The following CETN2 variants were observed in gnomAD, a reference collection of about 807,000 sequenced individuals.
The protein encoded by CETN2 is centrin 2.
CETN2 carries 2 observed loss-of-function variants against 12.6 expected under a neutral mutation model. The observed-to-expected ratio is 0.16, with a 90% CI of 0.07 to 0.50. CETN2 has a LOEUF of 0.50. CETN2 is among the 20% of genes least tolerant of loss of function. The pLI is 0.96. For missense variants in CETN2, 81 were observed against 128.3 expected (o/e 0.63, Z 1.78); for synonymous variants, 41 against 43.4 (o/e 0.94, Z 0.22).
At chrX:152,828,268 A>G (rs1456729752) in intron 4 of CETN2, among the ~76,000 whole-genome samples, 1 of 112,377 alleles carries the variant, frequency 8.9e-6, no homozygotes, top group African/African-American at 3.2e-5. Context: ...TTTGTCAAAC[A>G]TATCACCTGG....
At position 152,829,626 on chromosome X, in the gene CETN2, G is replaced by A. The variant is rs1556843073; in HGVS notation, c.138C>T (p.Gly46=). ...CCTTCAGTTCTTTAACATCTATGGT[G>A]CCAGTTCCATCCGCATCGAAAAGAT... ...AFDLFDADGT[G]TIDVKELKVA... Residue 46 remains glycine, a synonymous_variant, in exon 2 of 5, where the codon GGC becomes GGT. Coordinates refer to ENST00000370277, the MANE Select transcript of CETN2 (RefSeq NM_004344.3). The A allele has an allele frequency of 1.7e-6, 2 of 1,196,359 alleles. No individual in the cohort carries two copies. The highest frequency in any genetic ancestry group is 2.3e-4 in the Middle Eastern group (1 of 4,333).
At chrX:152,830,232 A>T in intron 1 of CETN2, among the ~76,000 whole-genome samples, 1 of 113,619 alleles carries the variant, frequency 8.8e-6, no homozygotes, top group East Asian at 2.8e-4. Flanking sequence ...GTACCGAGTA[A>T]TAAAACTCAA....
At position 152,827,554 on chromosome X, in the gene CETN2, C is replaced by T. The variant is rs146245144; in HGVS notation, c.*287G>A. On this transcript the variant is annotated 3_prime_UTR_variant, in exon 5 of 5. Transcript: ENST00000370277. ...ATGTGGAAATGCATGACGAGGGAAA[C>T]GATGCAAGGCAAAATGGCAGGTGCT... is the stretch of plus-strand genomic sequence containing the variant. 5.4e-3 allele frequency: 1,240 copies of T among 231,371 alleles called. 12 individuals carry two copies. The highest frequency in any genetic ancestry group is 0.032 in the African/African-American group (1,131 of 35,867). 19.1% of individuals were successfully genotyped at this position (231,371 alleles called of 1,213,427 possible).
intron 3 of CETN2, 68 bp downstream of exon 3, chrX:152,829,081 A>C: frequency 8.7e-7 from 1 of 1,152,467 alleles, no homozygotes; most frequent in Non-Finnish European, 1.2e-6. Context: ...CTGTTTTAAC[A>C]GGAAGACGCC....
At chrX:152,830,670 C>T in intron 1 of CETN2, 38 bp downstream of exon 1, 3 of 1,172,808 alleles carry the variant, frequency 2.6e-6, no homozygotes, top group Non-Finnish European at 3.4e-6. Flanking sequence ...AAGGGCTCAG[C>T]CGCTGGGCGT....
intron 4 of CETN2, 116 bp downstream of exon 4, chrX:152,828,421 G>T: frequency 1.2e-6 from 1 of 833,071 alleles, no homozygotes; most frequent in South Asian, 2.6e-5. Flanking sequence ...TCTGCAGAGG[G>T]ACAAAGTACA....
At chrX:152,829,365 G>C in intron 2 of CETN2, 88 bp from the exon 3 acceptor site, 1 of 1,029,881 alleles carries the variant, frequency 9.7e-7, no homozygotes, top group Non-Finnish European at 1.3e-6. Flanking sequence ...GCCAGCATCT[G>C]ATGTGGTCAT....
In CETN2 at chrX:152,830,696, G is replaced by A. The variant is rs192767165; in HGVS notation, c.3+12C>T. The A allele has an allele frequency of 3.0e-3, 3,518 of 1,178,952 alleles. 73 individuals carry two copies. The African/African-American group carries it at 0.055, about 19-fold the overall frequency. ...CGCTGGGCGTGGGGCGCGACAGAGC[G>A]GCAGCACTCACCATAGCCAAAGGAG... On this transcript the variant is annotated intron_variant, in intron 1 of 4. Transcript: ENST00000370277.
intron 4 of CETN2, 46 bp downstream of exon 4, chrX:152,828,491 G>A (rs782593291): frequency 8.5e-7 from 1 of 1,169,803 alleles, no homozygotes; most frequent in South Asian, 1.9e-5. Flanking sequence ...AGTCACAGAG[G>A]GCTCAAAGGT....
chrX:152,828,609 C>T lies in CETN2; in HGVS notation c.357G>A (p.Gly119=), dbSNP rs782007140. The T allele has an allele frequency of 9.9e-6, 12 of 1,210,038 alleles. No individual in the cohort carries two copies. Among genetic ancestry groups the T allele is most frequent in the Non-Finnish European group, 1.3e-5 (12 of 893,956 alleles). The change falls in exon 4 of 5, where the codon GGG becomes GGA. Residue 119 remains glycine (G), a synonymous_variant. Transcript: ENST00000370277. ...AFKLFDDDET[G]KISFKNLKRV... Reference sequence around the variant, plus strand: ...GTTTCAGATTTTTGAACGAAATCTTCCCAGTTTCATCATCATCAAAGAGCT... The same window carrying T: ...GTTTCAGATTTTTGAACGAAATCTTTCCAGTTTCATCATCATCAAAGAGCT...
Position 152,827,066 on chromosome X carries a change from A to G in CETN2, c.*775T>C, listed in dbSNP as rs1932961000. 1.8e-5 allele frequency: 2 copies of G among 111,613 alleles called. No individual in the cohort carries two copies. The highest frequency in any genetic ancestry group is 6.5e-5 in the African/African-American group (2 of 30,613). The allele number at this position is 111,613 out of a possible 1,213,427, so 9.2% of individuals were successfully genotyped here. ...TATTCAAGCACAAATTACTAACAAG[A>G]CTCTTTTCCAGTCTTAGCTTTGCCA... is the stretch of plus-strand genomic sequence containing the variant. On this transcript the variant is annotated 3_prime_UTR_variant, in exon 5 of 5. Coordinates refer to ENST00000370277, the MANE Select transcript of CETN2 (RefSeq NM_004344.3).
At position 152,829,701 on chromosome X, in the gene CETN2, A is replaced by C. The variant is rs930694890; in HGVS notation, c.63T>G (p.Pro21=). The change falls in exon 2 of 5, where the codon CCT becomes CCG. Residue 21 remains proline, a synonymous_variant. Transcript: ENST00000370277. ...ASSSQRKRMS[P]KPELTEEQKQ... is the part of the protein sequence containing the mutation. ...TTTGCTCTTCAGTAAGCTCAGGCTT[A>C]GGGCTCATTCTTTTTCGCTGAGAAC... 5.8e-6 allele frequency: 7 copies of C among 1,205,117 alleles called. No homozygotes were observed. The highest frequency in any genetic ancestry group is 6.7e-6 in the Non-Finnish European group (6 of 891,803).
At position 152,827,936 on chromosome X, in the gene CETN2, T is replaced by C. The variant is rs1556842827; in HGVS notation, c.430-6A>G. The stretch of plus-strand genomic sequence containing the variant: ...TCAGCTTCATCAATCATTTCCTATA[T>C]GACAGTAAAGATTCAGGTTAATTTA... On this transcript the variant is annotated splice_region_variant and splice_polypyrimidine_tract_variant and intron_variant, in intron 4 of 4. Transcript: ENST00000370277. 3 of 1,193,300 alleles carry C rather than the reference T, an allele frequency of 2.5e-6. No individual in the cohort carries two copies. Among genetic ancestry groups the C allele is most frequent in the Non-Finnish European group, 3.4e-6 (3 of 880,549 alleles).
chrX:152,830,639 G>A, intron 1 of CETN2, 69 bp downstream of exon 1: 19 of 1,137,630 alleles, frequency 1.7e-5, no homozygotes, highest in Non-Finnish European at 2.0e-5. Context: ...GAGAGGCGGC[G>A]TGGCCGAGCT....
In CETN2 at chrX:152,827,645, T is replaced by C. The variant is rs139344427; in HGVS notation, c.*196A>G. 5.1e-4 allele frequency: 179 copies of C among 350,572 alleles called. 1 individual carries two copies. The highest frequency in any genetic ancestry group is 4.4e-3 in the African/African-American group (171 of 39,260). The allele number at this position is 350,572 out of a possible 1,213,427, so 28.9% of individuals were successfully genotyped here. On this transcript the variant is annotated 3_prime_UTR_variant, in exon 5 of 5. Transcript: ENST00000370277. ...GTTTTGCTTTTGAGAATTAGGGTAA[T>C]TCGCAGGTCATTTTACAAAGAACTG...
chrX:152,830,600 C>A, intron 1 of CETN2, 108 bp downstream of exon 1: 1 of 965,508 alleles, frequency 1.0e-6, no homozygotes, highest in East Asian at 3.8e-5. Flanking sequence ...AAAGGAAAGA[C>A]TGGTGCGCTA....
rs371059141 is a variant in CETN2, at chrX:152,828,582, G to A, written c.384C>T (p.Arg128=). ...GGTTCTCACCCAACTCCTTGGCCAC[G>A]CGTTTCAGATTTTTGAACGAAATCT... ...TGKISFKNLK[R]VAKELGENLT... Residue 128 remains arginine, a synonymous_variant, in exon 4 of 5, where the codon CGC becomes CGT. Coordinates refer to ENST00000370277, the MANE Select transcript of CETN2 (RefSeq NM_004344.3). 30 of 1,209,451 alleles carry A rather than the reference G, an allele frequency of 2.5e-5. No individual in the cohort carries two copies. The highest frequency in any genetic ancestry group is 3.5e-5 in the African/African-American group (2 of 57,127).
At chrX:152,829,491 GTTAC>G (rs1932981921) in intron 2 of CETN2, 107 bp downstream of exon 2, 1 of 940,582 alleles carries the variant, frequency 1.1e-6, no homozygotes, top group Non-Finnish European at 1.5e-6. Context: ...AACCTCCCCT[GTTAC>G]TTACTGCAGG....
At chrX:152,830,558 C>T in intron 1 of CETN2, 150 bp downstream of exon 1, 2 of 697,836 alleles carry the variant, frequency 2.9e-6, no homozygotes, top group Non-Finnish European at 4.1e-6. Context: ...GGTTGGTTAG[C>T]GTCTGTACCC....
Sources: allele counts gnomAD v4.1 joint callset (sites outside exome capture counted in the v4.1 genomes callset), GRCh38; gene constraint gnomAD v4.1.1; transcripts MANE v1.5; gene names NCBI Gene and HGNC (gene_info 2026-07-23, HGNC 2026-07-21).